LTBP1: variants seen among roughly 807,000 people sequenced by gnomAD.
LTBP1 encodes the protein latent-transforming growth factor beta-binding protein 1.
Under a neutral mutation model 207.6 loss-of-function variants are expected in LTBP1, and 129 were observed. The observed-to-expected ratio is 0.62, with a 90% CI of 0.54 to 0.72. The LOEUF (loss-of-function observed/expected upper bound fraction) is 0.72. LTBP1 is among the 30% of genes least tolerant of loss of function. The pLI, the probability that LTBP1 is intolerant of heterozygous loss-of-function variation, is 0.00. For missense variants in LTBP1, 2,281 were observed against 2,217.2 expected (o/e 1.03, Z -0.58); for synonymous variants, 963 against 833.7 (o/e 1.16, Z -2.67).
At chr2:33,164,945 A>C (rs1411902736) in intron 5 of LTBP1, among the ~76,000 whole-genome samples, 1 of 152,222 alleles carries the variant, frequency 6.6e-6, no homozygotes, top group African/African-American at 2.4e-5. Flanking sequence ...GCTTCACTTA[A>C]AGCAAGTACA....
chr2:33,057,866 A>G (rs898068418), intron 3 of LTBP1, among the ~76,000 whole-genome samples: 1 of 152,352 alleles, frequency 6.6e-6, no homozygotes, highest in East Asian at 1.9e-4. Flanking sequence ...AGCCCAGAGA[A>G]TGGCTCCCAT....
intron 7 of LTBP1, among the ~76,000 whole-genome samples, chr2:33,208,314 C>A (rs1037163466): frequency 6.6e-6 from 1 of 152,314 alleles, no homozygotes; most frequent in African/African-American, 2.4e-5. Flanking sequence ...ATCTGCATTT[C>A]CATGACCATC....
At chr2:33,331,238 T>A (rs1437182586) in intron 24 of LTBP1, among the ~76,000 whole-genome samples, 3 of 151,522 alleles carry the variant, frequency 2.0e-5, no homozygotes, top group Non-Finnish European at 4.4e-5. Flanking sequence ...ATATTTATTA[T>A]TTTTTCTATA....
At chr2:33,190,095 G>C (rs1052379175) in intron 7 of LTBP1, among the ~76,000 whole-genome samples, 16 of 152,066 alleles carry the variant, frequency 1.1e-4, no homozygotes, top group African/African-American at 3.9e-4. Context: ...TGTAACTTTA[G>C]GCCTACATTT....
intron 26 of LTBP1, among the ~76,000 whole-genome samples, chr2:33,352,203 C>T (rs1360096626): frequency 6.6e-6 from 1 of 152,114 alleles, no homozygotes; most frequent in Non-Finnish European, 1.5e-5. Context: ...GTGATCTTGG[C>T]TCACTGCAAC....
chr2:33,391,422 G>C (rs548437641), intron 32 of LTBP1, among the ~76,000 whole-genome samples: 1 of 152,230 alleles, frequency 6.6e-6, no homozygotes, highest in East Asian at 1.9e-4. Context: ...ATATGTTACG[G>C]GTCAGTAAAC....
intron 5 of LTBP1, among the ~76,000 whole-genome samples, chr2:33,151,694 A>G (rs1169740960): frequency 2.0e-5 from 3 of 152,214 alleles, no homozygotes; most frequent in East Asian, 3.9e-4. Flanking sequence ...GCTCCCACAT[A>G]TCAGTGAAAA....
Position 33,000,943 on chromosome 2 carries a change from T to C in LTBP1, c.566-19966T>C, listed in dbSNP as rs531754913. On this transcript the variant is annotated intron_variant, in intron 2 of 33. Coordinates refer to ENST00000404816, the MANE Select transcript of LTBP1 (RefSeq NM_206943.4). ...TTGCATTTGAAAAGAGGATTTTTTT[T>C]CCAAATTTTGAAAACAAGTCATAGC... is the stretch of plus-strand genomic sequence containing the variant. 1.5e-5 allele frequency among the ~76,000 whole-genome samples: 2 copies of C among 134,574 alleles called. 1 individual carries two copies. Among genetic ancestry groups the C allele is most frequent in the South Asian group, 5.3e-4 (2 of 3,804 alleles). 88.3% of individuals were successfully genotyped at this position (134,574 alleles called of 152,430 possible).
intron 10 of LTBP1, among the ~76,000 whole-genome samples, chr2:33,247,731 A>G (rs2092556828): frequency 6.6e-6 from 1 of 152,234 alleles, no homozygotes; most frequent in African/African-American, 2.4e-5. Context: ...GCCACTAGTC[A>G]TGTATGGCCT....
At chr2:33,215,079 TG>T (rs2090579942) in intron 7 of LTBP1, among the ~76,000 whole-genome samples, 1 of 151,972 alleles carries the variant, frequency 6.6e-6, no homozygotes, top group Admixed American at 6.6e-5. Flanking sequence ...TTCTACTCCC[TG>T]GGGAATCCGA....
intron 18 of LTBP1, among the ~76,000 whole-genome samples, chr2:33,277,834 T>TTTCTTTCTTTCTTTCTTTC (rs2093476645): frequency 8.8e-6 from 1 of 113,512 alleles, no homozygotes; most frequent in Non-Finnish European, 1.8e-5. Context: ...TCTTTCTTTT[T>TTTCTTTCTTTCTTTCTTTC]TTTTTTTTTT....
intron 31 of LTBP1, among the ~76,000 whole-genome samples, chr2:33,370,724 C>T (rs2095057905): frequency 6.6e-6 from 1 of 152,178 alleles, no homozygotes; most frequent in Non-Finnish European, 1.5e-5. Flanking sequence ...ATCTCTTCAT[C>T]TAAGCACTGG....
intron 31 of LTBP1, among the ~76,000 whole-genome samples, chr2:33,384,938 A>G (rs773621218): frequency 1.3e-5 from 2 of 152,168 alleles, no homozygotes; most frequent in Non-Finnish European, 2.9e-5. Flanking sequence ...TGACTTGCCC[A>G]AGTCCTGATA....
intron 19 of LTBP1, 113 bp downstream of exon 19, chr2:33,280,271 A>G: frequency 1.8e-6 from 2 of 1,111,760 alleles, no homozygotes; most frequent in Non-Finnish European, 2.4e-6. Context: ...ATGAAATCTT[A>G]CATCATTCTA....
intron 3 of LTBP1, among the ~76,000 whole-genome samples, chr2:33,087,826 GC>G (rs2078849820): frequency 1.3e-5 from 2 of 152,154 alleles, no homozygotes; most frequent in Non-Finnish European, 2.9e-5. Flanking sequence ...TACTTTATGA[GC>G]CATACCATCA....
At chr2:33,228,196 ATGTT>A (rs1217940833) in intron 9 of LTBP1, among the ~76,000 whole-genome samples, 2 of 152,232 alleles carry the variant, frequency 1.3e-5, no homozygotes, top group African/African-American at 4.8e-5. Flanking sequence ...ATGATAAACT[ATGTT>A]TGTAAGCCCA....
chr2:33,266,525 G>T (rs150087511), intron 15 of LTBP1, among the ~76,000 whole-genome samples: 2 of 152,046 alleles, frequency 1.3e-5, no homozygotes, highest in African/African-American at 4.8e-5. Flanking sequence ...AGACTTCATC[G>T]ATAACAGTTT....
chr2:33,181,883 G>A (rs1233013404), intron 5 of LTBP1, among the ~76,000 whole-genome samples: 1 of 152,132 alleles, frequency 6.6e-6, no homozygotes, highest in African/African-American at 2.4e-5. Context: ...ATGAACTTTT[G>A]AAACAGAAGG....
At chr2:33,197,613 C>A (rs777454781) in intron 7 of LTBP1, among the ~76,000 whole-genome samples, 1 of 152,144 alleles carries the variant, frequency 6.6e-6, no homozygotes, top group African/African-American at 2.4e-5. Context: ...TTAACAGTGA[C>A]CTAAATTCAA....
Sources: gnomAD v4.1 joint callset for allele counts (sites outside exome capture counted in the v4.1 genomes callset) on GRCh38, gnomAD v4.1.1 for gene constraint, MANE v1.5 for transcripts, NCBI Gene and HGNC (gene_info 2026-07-23, HGNC 2026-07-21) for gene names.